Variants in TGS1 observed in about 807,000 individuals in gnomAD.
TGS1 encodes the protein trimethylguanosine synthase 1.
In TGS1, 69 loss-of-function variants were observed where a neutral mutation model predicts 92.2. The ratio of observed to expected loss-of-function variants is 0.75; its 90% CI spans 0.62 to 0.91. TGS1 has a LOEUF of 0.91. TGS1 is among the 40% of genes least tolerant of loss of function. TGS1 has a pLI of 0.00. For missense variants in TGS1, 1,062 were observed against 1,001.2 expected (o/e 1.06, Z -0.82); for synonymous variants, 345 against 338.1 (o/e 1.02, Z -0.22).
rs192741259 is a variant in TGS1, at chr8:55,793,864, C to T, written c.1367+1080C>T. Among the ~76,000 whole-genome samples the T allele has an allele frequency of 1.4e-3, 215 of 151,912 alleles. 1 individual carries two copies. Among genetic ancestry groups the T allele is most frequent in the African/African-American group, 4.7e-3 (195 of 41,462 alleles). Reference sequence around the variant, plus strand: ...AACTCCTGACCTCAGGTGATCCGCCCACCTTGGCCTCCCAAAGTGCTGGGA... The same window carrying T: ...AACTCCTGACCTCAGGTGATCCGCCTACCTTGGCCTCCCAAAGTGCTGGGA... On this transcript the variant is annotated intron_variant, in intron 6 of 12. Coordinates refer to ENST00000260129, the MANE Select transcript of TGS1 (RefSeq NM_024831.8).
intron 10 of TGS1, among the ~76,000 whole-genome samples, chr8:55,807,014 C>T (rs778061055): frequency 2.0e-5 from 3 of 151,750 alleles, no homozygotes; most frequent in Non-Finnish European, 2.9e-5. Flanking sequence ...CTGCAAACTC[C>T]GCCTCCCGAG....
At chr8:55,774,651 G>A (rs751948389) in intron 1 of TGS1, among the ~76,000 whole-genome samples, 8 of 152,164 alleles carry the variant, frequency 5.3e-5, no homozygotes, top group South Asian at 2.1e-4. Context: ...TAGGCACTGA[G>A]GTACAAGACA....
intron 3 of TGS1, 123 bp downstream of exon 3, chr8:55,786,014 T>C: frequency 2.5e-6 from 2 of 800,864 alleles, no homozygotes; most frequent in Non-Finnish European, 3.8e-6. Flanking sequence ...TTTTTAAATG[T>C]ATGTATTTAT....
At chr8:55,784,591 C>T (rs886322108) in intron 2 of TGS1, among the ~76,000 whole-genome samples, 6 of 152,138 alleles carry the variant, frequency 3.9e-5, no homozygotes, top group African/African-American at 1.4e-4. Flanking sequence ...GGATTAGAGC[C>T]ATAAGCCACT....
intron 1 of TGS1, among the ~76,000 whole-genome samples, chr8:55,777,763 G>A (rs1275603787): frequency 6.6e-6 from 1 of 151,942 alleles, no homozygotes; most frequent in Non-Finnish European, 1.5e-5. Context: ...TCGAACTCCT[G>A]ACATCAAGTG....
At chr8:55,818,878 C>T (rs566803445) in intron 12 of TGS1, among the ~76,000 whole-genome samples, 5 of 152,292 alleles carry the variant, frequency 3.3e-5, no homozygotes, top group African/African-American at 1.2e-4. Context: ...TTCATGTTTC[C>T]AGTATCTGGT....
chr8:55,817,704 A>G (rs943354751), intron 12 of TGS1, among the ~76,000 whole-genome samples: 4 of 152,238 alleles, frequency 2.6e-5, no homozygotes, highest in Admixed American at 2.6e-4. Flanking sequence ...GGTAGAGAAC[A>G]TTAGTCCAGG....
Sources: gnomAD v4.1 joint callset for allele counts (sites outside exome capture counted in the v4.1 genomes callset) on GRCh38, gnomAD v4.1.1 for gene constraint, MANE v1.5 for transcripts, NCBI Gene and HGNC (gene_info 2026-07-23, HGNC 2026-07-21) for gene names.